Variants in PCDHGA6 observed in about 807,000 individuals in gnomAD.
PCDHGA6 encodes protocadherin gamma-A6.
In PCDHGA6, 41 loss-of-function variants were observed where a neutral mutation model predicts 60.6. That is an observed-to-expected ratio of 0.68 (90% CI 0.53 to 0.88). PCDHGA6 has a LOEUF of 0.88. Ranked by LOEUF, PCDHGA6 falls within the 40% of genes least tolerant of loss-of-function variation. PCDHGA6 has a pLI of 0.00. For missense variants in PCDHGA6, 1,312 were observed against 1,203.0 expected (o/e 1.09, Z -1.34); for synonymous variants, 594 against 524.4 (o/e 1.13, Z -1.81).
intron 1 of PCDHGA6, chr5:141,392,803 G>A: frequency 6.4e-7 from 1 of 1,573,156 alleles, no homozygotes. Context: ...GGATTCTGCA[G>A]CAAAACAACA....
intron 1 of PCDHGA6, chr5:141,398,470 A>G: frequency 6.2e-7 from 1 of 1,604,828 alleles, no homozygotes; most frequent in Non-Finnish European, 8.5e-7. Flanking sequence ...AAATCCACTG[A>G]ACTTTTATCA....
At chr5:141,409,700 G>C (rs1561722120) in intron 1 of PCDHGA6, 4 of 1,613,280 alleles carry the variant, frequency 2.5e-6, no homozygotes, top group Non-Finnish European at 3.4e-6. Context: ...AGAGCCCCTG[G>C]CGGTGTCGTC....
intron 1 of PCDHGA6, chr5:141,393,578 G>T: frequency 6.2e-7 from 1 of 1,613,930 alleles, no homozygotes; most frequent in Non-Finnish European, 8.5e-7. Context: ...TTGAGAACAT[G>T]CCCCCAGGCA....
Position 141,511,349 on chromosome 5 carries a change from C to T in PCDHGA6, c.*176C>T, listed in dbSNP as rs1463242262. The T allele has an allele frequency of 2.1e-6, 3 of 1,401,380 alleles. No homozygotes were observed. The highest frequency in any genetic ancestry group is 2.9e-5 in the African/African-American group (2 of 68,826). 86.8% of individuals were successfully genotyped at this position (1,401,380 alleles called of 1,614,324 possible). The stretch of plus-strand genomic sequence containing the variant: ...GCCCAGTCAGCACCTACCCCTTCCC[C>T]CCCAGGGGGTTGAATATGCAAAAGC... On this transcript the variant is annotated 3_prime_UTR_variant, in exon 4 of 4. Transcript: ENST00000517434.
At chr5:141,424,068 G>T in intron 1 of PCDHGA6, 1 of 993,858 alleles carries the variant, frequency 1.0e-6, no homozygotes. Flanking sequence ...TCACTGATTT[G>T]TAGTTATATT....
chr5:141,389,899 A>G (rs1328617262), intron 1 of PCDHGA6: 1 of 1,614,032 alleles, frequency 6.2e-7, no homozygotes, highest in South Asian at 1.1e-5. Flanking sequence ...GTGCTGCCGG[A>G]TATCACTGAC....
At chr5:141,465,229 A>G (rs1010075158) in intron 1 of PCDHGA6, among the ~76,000 whole-genome samples, 6 of 152,208 alleles carry the variant, frequency 3.9e-5, no homozygotes, top group Non-Finnish European at 2.9e-5. Flanking sequence ...CATGAGCTCC[A>G]TCAAGTTCAA....
chr5:141,462,423 G>A (rs1367388191), intron 1 of PCDHGA6, among the ~76,000 whole-genome samples: 1 of 151,820 alleles, frequency 6.6e-6, no homozygotes, highest in East Asian at 1.9e-4. Context: ...GTCTATCTTG[G>A]TGAGTGTTGC....
intron 1 of PCDHGA6, among the ~76,000 whole-genome samples, chr5:141,433,482 C>T (rs935076625): frequency 3.3e-5 from 5 of 152,110 alleles, no homozygotes; most frequent in African/African-American, 9.6e-5. Flanking sequence ...TAGCCTCCTG[C>T]TTCTCCCTCC....
At chr5:141,496,011 T>G (rs1232125559) in intron 2 of PCDHGA6, among the ~76,000 whole-genome samples, 1 of 152,114 alleles carries the variant, frequency 6.6e-6, no homozygotes, top group African/African-American at 2.4e-5. Flanking sequence ...ATCTTGTCTT[T>G]TTTCTCTGAG....
rs773703641 is a variant in PCDHGA6, at chr5:141,477,856, G to A, written c.2425-16951G>A. On this transcript the variant is annotated intron_variant, in intron 1 of 3. Transcript: ENST00000517434. The surrounding 1 kb of genome is among the most constrained non-coding windows in gnomAD (Gnocchi z 4.9). ...CAGGTGGGAGCTCGGTGGAGATGCT[G>A]CCTCGAGGTACCTCAGCTGGCCACC... is the stretch of plus-strand genomic sequence containing the variant. 6.2e-7 allele frequency: 1 copy of A among 1,613,592 alleles called. No homozygotes were observed. Among genetic ancestry groups the A allele is most frequent in the Admixed American group, 1.7e-5 (1 of 59,976 alleles).
intron 1 of PCDHGA6, among the ~76,000 whole-genome samples, chr5:141,460,703 G>A (rs1009662968): frequency 6.6e-6 from 1 of 151,534 alleles, no homozygotes; most frequent in Non-Finnish European, 1.5e-5. Flanking sequence ...AGTTGAATGA[G>A]AATAAACTAT....
At chr5:141,406,043 A>G (rs1346440934) in intron 1 of PCDHGA6, among the ~76,000 whole-genome samples, 3 of 150,174 alleles carry the variant, frequency 2.0e-5, no homozygotes, top group East Asian at 3.9e-4. Context: ...CATTGGTTGC[A>G]GTGGACTCAT....
rs565524310 is a variant in PCDHGA6, at chr5:141,375,830, G to A, written c.1747G>A (p.Glu583Lys). The stretch of plus-strand genomic sequence containing the variant: ...CGTGGAGCTGGCGCCCCGCTCCGCA[G>A]AGCCCGGCTACCTGGTGACCAAGGT... ...TGVELAPRSAEPGYLVTKVVA... is the reference protein window; with the variant it reads ...TGVELAPRSAKPGYLVTKVVA... The change falls in exon 1 of 4, where the codon GAG (glutamate) becomes AAG (lysine). Residue 583 changes from glutamate to lysine, a missense_variant. By Grantham distance (56) the Glu-to-Lys change is moderately conservative. Transcript: ENST00000517434. 6.8e-6 allele frequency: 11 copies of A among 1,614,152 alleles called. No homozygotes were observed. In the East Asian group the frequency reaches 2.2e-4, roughly 33 times the overall value.
chr5:141,387,136 T>G (rs985189189), intron 1 of PCDHGA6, among the ~76,000 whole-genome samples: 1 of 152,210 alleles, frequency 6.6e-6, no homozygotes, highest in Non-Finnish European at 1.5e-5. Context: ...CTGAAACTAT[T>G]GGGAAGGGGG....
chr5:141,419,939 G>C, intron 1 of PCDHGA6: 6 of 1,614,054 alleles, frequency 3.7e-6, no homozygotes, highest in Admixed American at 1.7e-5. Flanking sequence ...TTACCTGGTG[G>C]TGGCCTTGGC....
rs961891623 is a variant in PCDHGA6 at position 141,487,938 on chromosome 5, GC to G, written c.2425-6868del. The G allele has an allele frequency of 2.8e-5, 17 of 600,188 alleles. No homozygotes were observed. The highest frequency in any genetic ancestry group is 4.7e-5 in the Non-Finnish European group (16 of 342,978). 37.2% of individuals were successfully genotyped at this position (600,188 alleles called of 1,614,324 possible). ...GAGGCTACAGTGCACAGGGTACAGTGCACCAGGCAGTCACTTGGACAAAGGT... is the reference window on the plus strand; with the variant it reads ...GAGGCTACAGTGCACAGGGTACAGTGACCAGGCAGTCACTTGGACAAAGGT... On this transcript the variant is annotated intron_variant, in intron 1 of 3. Coordinates refer to ENST00000517434, the MANE Select transcript of PCDHGA6 (RefSeq NM_018919.3). The surrounding 1 kb of genome is among the most constrained non-coding windows in gnomAD (Gnocchi z 5.0).
At chr5:141,420,634 G>A (rs891111955) in intron 1 of PCDHGA6, among the ~76,000 whole-genome samples, 2 of 152,080 alleles carry the variant, frequency 1.3e-5, no homozygotes, top group African/African-American at 4.8e-5. Context: ...CTCAATAAAG[G>A]AACCTTGTAA....
At chr5:141,425,860 A>G (rs1445251215) in intron 1 of PCDHGA6, among the ~76,000 whole-genome samples, 1 of 152,248 alleles carries the variant, frequency 6.6e-6, no homozygotes, top group Non-Finnish European at 1.5e-5. Context: ...TGACTGTTCT[A>G]TAGATTCCCA....
Sources: gnomAD v4.1 joint callset for allele counts (sites outside exome capture counted in the v4.1 genomes callset) on GRCh38, gnomAD v4.1.1 for gene constraint, Gnocchi (gnomAD v3.1) non-coding constraint, MANE v1.5 for transcripts, NCBI Gene and HGNC (gene_info 2026-07-23, HGNC 2026-07-21) for gene names.